The following FARS2 variants were observed in gnomAD, a reference collection of about 807,000 sequenced individuals.
FARS2 encodes the protein phenylalanine--tRNA ligase, mitochondrial.
FARS2 carries 40 observed loss-of-function variants against 46.4 expected under a neutral mutation model. That is an observed-to-expected ratio of 0.86 (90% CI 0.67 to 1.12). The LOEUF (loss-of-function observed/expected upper bound fraction) is 1.12. FARS2 is among the 50% of genes most tolerant of loss of function. FARS2 has a pLI of 0.00. For synonymous variants in FARS2, 234 were observed against 214.9 expected, an observed-to-expected ratio of 1.09 and a Z score of -0.78; for missense variants, 513 against 567.9, an observed-to-expected ratio of 0.90 and a Z score of 0.98.
rs1476955640 is a variant in FARS2, at chr6:5,562,070, G to A, written c.1065+16730G>A. ...ATATCTTCAGTATACTTGTTTTAAA[G>A]CCTTTAGCTATTCTGTATTATTTTT... On this transcript the variant is annotated intron_variant, in intron 5 of 6. Transcript: ENST00000274680. Among the ~76,000 whole-genome samples the A allele has an allele frequency of 2.6e-5, 4 of 152,098 alleles. No homozygotes were observed. In the East Asian group the frequency reaches 7.7e-4, roughly 29 times the overall value.
chr6:5,320,360 G>T (rs1378840439), intron 1 of FARS2, among the ~76,000 whole-genome samples: 1 of 152,226 alleles, frequency 6.6e-6, no homozygotes. Flanking sequence ...GCCAAAAACA[G>T]AGTAAGAGGA....
intron 6 of FARS2, among the ~76,000 whole-genome samples, chr6:5,676,630 C>G (rs927615292): frequency 6.6e-6 from 1 of 152,168 alleles, no homozygotes; most frequent in Non-Finnish European, 1.5e-5. Context: ...ATAGAAAGTG[C>G]TCACAGCAGT....
At chr6:5,280,181 AAAT>A (rs746861596) in intron 1 of FARS2, among the ~76,000 whole-genome samples, 4 of 152,234 alleles carry the variant, frequency 2.6e-5, no homozygotes, top group African/African-American at 7.2e-5. Context: ...CCCTTGGCAT[AAAT>A]AATGATAGCA....
At chr6:5,677,577 G>T (rs1778828829) in intron 6 of FARS2, among the ~76,000 whole-genome samples, 1 of 152,244 alleles carries the variant, frequency 6.6e-6, no homozygotes, top group Non-Finnish European at 1.5e-5. Context: ...GTTAGTGACA[G>T]TGGCCTTGCA....
chr6:5,265,322 C>T (rs1049995487), intron 1 of FARS2, among the ~76,000 whole-genome samples: 29 of 152,118 alleles, frequency 1.9e-4, no homozygotes, highest in African/African-American at 7.0e-4. Flanking sequence ...TTAGAGAACT[C>T]TTAAGTGTTT....
intron 1 of FARS2, among the ~76,000 whole-genome samples, chr6:5,270,436 A>G (rs186549721): frequency 6.6e-6 from 1 of 152,336 alleles, no homozygotes; most frequent in African/African-American, 2.4e-5. Context: ...ATCCCAGATT[A>G]ATACGTTTCA....
intron 5 of FARS2, among the ~76,000 whole-genome samples, chr6:5,600,689 G>T (rs541245404): frequency 1.3e-5 from 2 of 152,266 alleles, no homozygotes; most frequent in African/African-American, 4.8e-5. Flanking sequence ...GATCGCATGG[G>T]CTATAAACAG....
chr6:5,612,537 A>G (rs1431178727), intron 5 of FARS2, among the ~76,000 whole-genome samples: 1 of 152,222 alleles, frequency 6.6e-6, no homozygotes, highest in African/African-American at 2.4e-5. Context: ...TTCTAAACAT[A>G]TCTAATTTTA....
chr6:5,562,749 T>C (rs2150539933), intron 5 of FARS2, among the ~76,000 whole-genome samples: 1 of 148,734 alleles, frequency 6.7e-6, no homozygotes, highest in African/African-American at 2.5e-5. Flanking sequence ...TTGTGTTAAA[T>C]CTTTGTAATA....
At chr6:5,286,927 C>T (rs544990420) in intron 1 of FARS2, among the ~76,000 whole-genome samples, 4 of 152,290 alleles carry the variant, frequency 2.6e-5, no homozygotes, top group African/African-American at 7.2e-5. Context: ...CCTCTGAACC[C>T]GTAGTGCAGA....
chr6:5,562,724 A>ACACACACACACACACC (rs1206361240), intron 5 of FARS2, among the ~76,000 whole-genome samples: 1 of 151,376 alleles, frequency 6.6e-6, no homozygotes, highest in African/African-American at 2.4e-5. Context: ...ACACACACAC[A>ACACACACACACACACC]CACAGTGTTT....
At chr6:5,627,369 G>A (rs1404346295) in intron 6 of FARS2, among the ~76,000 whole-genome samples, 1 of 152,230 alleles carries the variant, frequency 6.6e-6, no homozygotes, top group Non-Finnish European at 1.5e-5. Flanking sequence ...TGAAGAAAGA[G>A]GAAACTAGTA....
intron 4 of FARS2, among the ~76,000 whole-genome samples, chr6:5,455,867 A>G (rs1764820339): frequency 6.6e-6 from 1 of 152,232 alleles, no homozygotes; most frequent in Non-Finnish European, 1.5e-5. Flanking sequence ...ATGGTATTTA[A>G]GATTATTTAT....
chr6:5,411,981 G>T (rs1472242023), intron 3 of FARS2, among the ~76,000 whole-genome samples: 1 of 152,104 alleles, frequency 6.6e-6, no homozygotes, highest in African/African-American at 2.4e-5. Flanking sequence ...CCTTTCTTTG[G>T]CACAGTTTCT....
chr6:5,527,728 A>G (rs1769558018), intron 4 of FARS2, among the ~76,000 whole-genome samples: 1 of 152,236 alleles, frequency 6.6e-6, no homozygotes, highest in Non-Finnish European at 1.5e-5. Context: ...ATGCAATTCA[A>G]TTCAAGCAAC....
In FARS2 at chr6:5,477,472, G is replaced by C. The variant is rs185264226; in HGVS notation, c.904+46300G>C. Among the ~76,000 whole-genome samples the C allele has an allele frequency of 7.7e-4, 118 of 152,292 alleles. 3 individuals are homozygous for C. Among genetic ancestry groups the C allele is most frequent in the Admixed American group, 7.7e-3 (118 of 15,302 alleles). On this transcript the variant is annotated intron_variant, in intron 4 of 6. Coordinates refer to ENST00000274680, the MANE Select transcript of FARS2 (RefSeq NM_006567.5). ...CTATTATAAGGCCTAGTTGACTTGAGTTAGAGAATGCTACAATGTTTTCAC... is the reference window on the plus strand; with the variant it reads ...CTATTATAAGGCCTAGTTGACTTGACTTAGAGAATGCTACAATGTTTTCAC...
At chr6:5,719,396 TA>T (rs55695285) in intron 6 of FARS2, among the ~76,000 whole-genome samples, 40 of 123,056 alleles carry the variant, frequency 3.3e-4, no homozygotes, top group African/African-American at 7.4e-4. Context: ...CAAAAAAAAT[TA>T]AAAAAAAAAA....
At chr6:5,723,269 CA>C (rs974411112) in intron 6 of FARS2, among the ~76,000 whole-genome samples, 8 of 152,292 alleles carry the variant, frequency 5.3e-5, no homozygotes, top group African/African-American at 1.9e-4. Flanking sequence ...AGAAAAGAAA[CA>C]AAGCTCATAT....
chr6:5,450,369 G>A (rs1190382750), intron 4 of FARS2, among the ~76,000 whole-genome samples: 2 of 151,898 alleles, frequency 1.3e-5, no homozygotes, highest in Non-Finnish European at 2.9e-5. Flanking sequence ...TGGGGGAGGG[G>A]AAGCGTGATG....
Sources: gnomAD v4.1 joint callset for allele counts (sites outside exome capture counted in the v4.1 genomes callset) on GRCh38, gnomAD v4.1.1 for gene constraint, MANE v1.5 for transcripts, NCBI Gene and HGNC (gene_info 2026-07-23, HGNC 2026-07-21) for gene names.